ZNF2: variants seen among roughly 807,000 people sequenced by gnomAD.
The protein encoded by ZNF2 is zinc finger protein 2.2.
Under a neutral mutation model 21.9 loss-of-function variants are expected in ZNF2, and 12 were observed. That is an observed-to-expected ratio of 0.55 (90% CI 0.35 to 0.89). The LOEUF is 0.89. Among genes scored for constraint, ZNF2 ranks in the 40% least tolerant of loss-of-function variants. The probability of loss-of-function intolerance (pLI) is 0.01; values close to 1 mark genes in which losing one functional copy is unlikely to be tolerated. For synonymous variants in ZNF2, 186 were observed against 196.3 expected (o/e 0.95, Z 0.44); for missense variants, 462 against 544.2 (o/e 0.85, Z 1.50).
Position 95,184,215 on chromosome 2 carries a change from G to C in ZNF2, c.*2109G>C, listed in dbSNP as rs1674786643. 6.6e-6 allele frequency: 1 copy of C among 152,152 alleles called. No homozygotes were observed. The highest frequency in any genetic ancestry group is 6.5e-5 in the Admixed American group (1 of 15,272). The allele number at this position is 152,152 out of a possible 1,614,324, so 9.4% of individuals were successfully genotyped here. On this transcript the variant is annotated 3_prime_UTR_variant, in exon 5 of 5. Transcript: ENST00000614034. Reference sequence around the variant, plus strand: ...GGGAAGACTTGATCTGTGGACTTTTGAAAGCAACTTGAGGAAAAACACATA... The same window carrying C: ...GGGAAGACTTGATCTGTGGACTTTTCAAAGCAACTTGAGGAAAAACACATA...
intron 1 of ZNF2, 67 bp from the exon 2 acceptor site, chr2:95,176,121 A>G (rs756133018): frequency 1.4e-6 from 2 of 1,415,420 alleles, no homozygotes; most frequent in Non-Finnish European, 2.0e-6. Flanking sequence ...TCATGGGTCA[A>G]AAGACTATGC....
In ZNF2 at chr2:95,181,471, A is replaced by G. The variant is rs764856008; in HGVS notation, c.643A>G (p.Ser215Gly). 2 of 1,614,030 alleles carry G rather than the reference A, an allele frequency of 1.2e-6. No homozygotes were observed. The highest frequency in any genetic ancestry group is 2.2e-5 in the East Asian group (1 of 44,854). The change falls in exon 5 of 5, where the codon AGC (serine) becomes GGC (glycine). Residue 215 changes from serine to glycine, a missense_variant. Physicochemically the swap from Ser to Gly is moderately conservative, Grantham distance 56 (BLOSUM62 0). Coordinates refer to ENST00000614034, the MANE Select transcript of ZNF2 (RefSeq NM_021088.4). ...TGGGAAAGCCTTCAGCCACAGGAGC[A>G]GCCTCAGCAGACATCTGATGTCACA... is the stretch of plus-strand genomic sequence containing the variant. ...ECGKAFSHRS[S>G]LSRHLMSHTG...
intron 4 of ZNF2, 114 bp downstream of exon 4, chr2:95,180,386 A>C: frequency 1.5e-6 from 1 of 678,846 alleles, no homozygotes; most frequent in Non-Finnish European, 2.5e-6. Context: ...CTGCTTTATT[A>C]TTTATTGTAT....
intron 3 of ZNF2, among the ~76,000 whole-genome samples, chr2:95,179,327 T>G (rs1674556926): frequency 6.6e-6 from 1 of 152,182 alleles, no homozygotes; most frequent in Non-Finnish European, 1.5e-5. Flanking sequence ...TATTTATGGG[T>G]GTCTTTGGAT....
intron 3 of ZNF2, among the ~76,000 whole-genome samples, chr2:95,179,738 C>G (rs1318398868): frequency 6.6e-6 from 1 of 152,172 alleles, no homozygotes; most frequent in East Asian, 1.9e-4. Context: ...GTGCGTTCTG[C>G]CTTTTGCATT....
At position 95,177,595 on chromosome 2, in the gene ZNF2, G is replaced by A; in HGVS notation, c.146G>A (p.Ser49Asn). ...GAGGTGATGCTGGAGAACTATAACA[G>A]CATTGTGTCATTGGGTAAGGGGAGC... ...YKEVMLENYNSIVSLGLPVPQ... is the reference protein window; with the variant it reads ...YKEVMLENYNNIVSLGLPVPQ... Residue 49 changes from serine (S) to asparagine (N), a missense_variant, in exon 3 of 5, where the codon AGC (serine) becomes AAC (asparagine). Coordinates refer to ENST00000614034, the MANE Select transcript of ZNF2 (RefSeq NM_021088.4). 1 of 1,613,898 alleles carries A rather than the reference G, an allele frequency of 6.2e-7. No individual in the cohort carries two copies.
intron 1 of ZNF2, among the ~76,000 whole-genome samples, chr2:95,168,028 G>A (rs571292766): frequency 8.5e-5 from 13 of 152,070 alleles, no homozygotes; most frequent in Non-Finnish European, 1.8e-4. Flanking sequence ...CTAGAAGGAG[G>A]TCATGGGATT....
intron 1 of ZNF2, among the ~76,000 whole-genome samples, chr2:95,169,698 C>T (rs932811106): frequency 2.0e-5 from 3 of 151,936 alleles, no homozygotes; most frequent in Admixed American, 6.6e-5. Context: ...TGCAGTGAGC[C>T]GAGATAATGT....
At chr2:95,174,625 A>G (rs1224657926) in intron 1 of ZNF2, among the ~76,000 whole-genome samples, 2 of 152,212 alleles carry the variant, frequency 1.3e-5, no homozygotes, top group Non-Finnish European at 2.9e-5. Flanking sequence ...CACTCCTGTC[A>G]AGAAAGCTGC....
intron 1 of ZNF2, among the ~76,000 whole-genome samples, chr2:95,175,073 A>C (rs551550731): frequency 6.6e-6 from 1 of 152,040 alleles, no homozygotes; most frequent in Non-Finnish European, 1.5e-5. Context: ...AGGTCTTGCT[A>C]TGTTGCCCAG....
Position 95,183,183 on chromosome 2 carries a change from A to T in ZNF2, c.*1077A>T, listed in dbSNP as rs1674741042. The T allele has an allele frequency of 6.6e-6, 1 of 152,202 alleles. No individual in the cohort carries two copies. Among genetic ancestry groups the T allele is most frequent in the Non-Finnish European group, 1.5e-5 (1 of 68,054 alleles). 9.4% of individuals were successfully genotyped at this position (152,202 alleles called of 1,614,324 possible). ...CCCGCAGAGAGCTATGTCTCCCTTA[A>T]AACCTGACGGGAACCATTCTGTCTT... On this transcript the variant is annotated 3_prime_UTR_variant, in exon 5 of 5. Transcript: ENST00000614034.
intron 1 of ZNF2, among the ~76,000 whole-genome samples, chr2:95,166,399 A>C (rs1341999373): frequency 6.6e-6 from 1 of 152,140 alleles, no homozygotes; most frequent in African/African-American, 2.4e-5. Context: ...GAAATGCAGG[A>C]ACAGTGGTAG....
chr2:95,182,025 C>T lies in ZNF2; in HGVS notation c.1197C>T (p.Cys399=). 6.2e-7 allele frequency: 1 copy of T among 1,614,228 alleles called. No individual in the cohort carries two copies. The highest frequency in any genetic ancestry group is 8.5e-7 in the Non-Finnish European group (1 of 1,180,010). The change falls in exon 5 of 5, where the codon TGC becomes TGT. Residue 399 remains cysteine, a synonymous_variant. Transcript: ENST00000614034. The stretch of plus-strand genomic sequence containing the variant: ...ACACGGGAGAGAAGCCCTTTGAATG[C>T]ACTGTGTGTGGGAAAGTTTTCAGTT... The part of the protein sequence containing the change: ...RVHTGEKPFE[C]TVCGKVFSSK...
At chr2:95,176,391 T>A in intron 2 of ZNF2, 132 bp downstream of exon 2, 3 of 1,090,694 alleles carry the variant, frequency 2.8e-6, no homozygotes, top group Non-Finnish European at 4.1e-6. Flanking sequence ...GAGTATTTCT[T>A]TCCTATTTGA....
At chr2:95,177,735 C>T (rs1470670283) in intron 3 of ZNF2, 126 bp downstream of exon 3, 30 of 1,259,496 alleles carry the variant, frequency 2.4e-5, no homozygotes, top group African/African-American at 1.5e-5. Context: ...AAGTAAGAGT[C>T]GAAAGATGTG....
chr2:95,170,739 T>C (rs190288051), intron 1 of ZNF2, among the ~76,000 whole-genome samples: 9 of 152,356 alleles, frequency 5.9e-5, no homozygotes, highest in Admixed American at 4.6e-4. Flanking sequence ...GGAGAAAGGA[T>C]GAAGTCTGCA....
In ZNF2 at chr2:95,176,349, G is replaced by C. The variant is rs544336511; in HGVS notation, c.33+90G>C. On this transcript the variant is annotated intron_variant, in intron 2 of 4. Coordinates refer to ENST00000614034, the MANE Select transcript of ZNF2 (RefSeq NM_021088.4). ...CTCTATCCTGGAGCCTCTTTGAGCA[G>C]ACCCAGCCAGGCAGATGAAGGACTC... is the stretch of plus-strand genomic sequence containing the variant. The C allele has an allele frequency of 4.3e-5, 66 of 1,533,010 alleles. No individual in the cohort carries two copies. In the East Asian group the frequency reaches 1.4e-3, roughly 33 times the overall value. The allele number at this position is 1,533,010 out of a possible 1,614,324, so 95.0% of individuals were successfully genotyped here.
chr2:95,166,903 T>C (rs1320807699), intron 1 of ZNF2, among the ~76,000 whole-genome samples: 1 of 152,162 alleles, frequency 6.6e-6, no homozygotes, highest in Non-Finnish European at 1.5e-5. Flanking sequence ...AAATGCAGGA[T>C]GAGTCTGGAA....
intron 1 of ZNF2, among the ~76,000 whole-genome samples, chr2:95,172,299 A>C (rs1267236235): frequency 3.3e-5 from 5 of 152,190 alleles, no homozygotes; most frequent in Non-Finnish European, 7.3e-5. Context: ...CTCTTAGGGA[A>C]CTGGGGAACC....
Sources: gnomAD v4.1 joint callset for allele counts (sites outside exome capture counted in the v4.1 genomes callset) on GRCh38, gnomAD v4.1.1 for gene constraint, MANE v1.5 for transcripts, NCBI Gene and HGNC (gene_info 2026-07-23, HGNC 2026-07-21) for gene names.